ZNF704: variants seen among roughly 807,000 people sequenced by gnomAD.
The protein encoded by ZNF704 is zinc finger protein 704, also known as glucocorticoid induced gene 1.
ZNF704 carries 10 observed loss-of-function variants against 44.7 expected under a neutral mutation model. That is an observed-to-expected ratio of 0.22 (90% CI 0.14 to 0.38). The LOEUF (loss-of-function observed/expected upper bound fraction) is 0.38, where lower values mean the gene tolerates loss of function less well. Ranked by LOEUF, ZNF704 falls within the 10% of genes least tolerant of loss-of-function variation. The pLI is 1.00. For missense variants in ZNF704, 390 were observed against 545.5 expected, an observed-to-expected ratio of 0.71 and a Z score of 2.84; for synonymous variants, 211 against 207.6, an observed-to-expected ratio of 1.02 and a Z score of -0.14.
At chr8:80,651,478 C>T (rs1817918507) in intron 7 of ZNF704, among the ~76,000 whole-genome samples, 1 of 152,080 alleles carries the variant, frequency 6.6e-6, no homozygotes, top group Admixed American at 6.5e-5. Context: ...AAAGATCTAC[C>T]AAGCAAATGG....
chr8:80,667,016 G>T (rs1479968200), intron 5 of ZNF704, among the ~76,000 whole-genome samples: 1 of 152,156 alleles, frequency 6.6e-6, no homozygotes, highest in African/African-American at 2.4e-5. Context: ...GTGGCCAGAG[G>T]AAGCCTCTCT....
chr8:80,819,459 T>G (rs1270328476), intron 2 of ZNF704, among the ~76,000 whole-genome samples: 1 of 151,984 alleles, frequency 6.6e-6, no homozygotes, highest in African/African-American at 2.4e-5. Flanking sequence ...TACAATGGTC[T>G]AATGGAAATT....
rs1003602846 is a variant in ZNF704, at chr8:80,785,928, T to C, written c.221+35446A>G. Among the ~76,000 whole-genome samples the C allele has an allele frequency of 3.9e-5, 6 of 152,310 alleles. No homozygotes were observed. In the East Asian group the frequency reaches 1.2e-3, roughly 29 times the overall value. ...TGCAAGAAAATATATGTGTGCATAC[T>C]AACCCACATATATACACGTATCTAT... On this transcript the variant is annotated intron_variant, in intron 2 of 8. Coordinates refer to ENST00000327835, the MANE Select transcript of ZNF704 (RefSeq NM_001033723.3).
At chr8:80,708,471 T>C (rs1818930869) in intron 2 of ZNF704, among the ~76,000 whole-genome samples, 1 of 152,218 alleles carries the variant, frequency 6.6e-6, no homozygotes, top group Non-Finnish European at 1.5e-5. Context: ...AAGTCCACAG[T>C]CCAGAGAAAG....
At chr8:80,650,298 G>A (rs112961593) in intron 7 of ZNF704, among the ~76,000 whole-genome samples, 7,338 of 152,298 alleles carry the variant, frequency 0.048, 216 homozygotes, top group Middle Eastern at 0.092. Context: ...CACCAGCAAC[G>A]GAACAAAGCT....
intron 7 of ZNF704, among the ~76,000 whole-genome samples, chr8:80,652,410 T>C (rs1366918954): frequency 2.0e-5 from 3 of 151,738 alleles, no homozygotes; most frequent in South Asian, 2.1e-4. Context: ...ACAAAATTGA[T>C]AGACTGCTAG....
rs1818560052 is a variant in ZNF704 at position 80,687,458 on chromosome 8, T to C, written c.326A>G (p.Glu109Gly). 1.9e-6 allele frequency: 3 copies of C among 1,546,672 alleles called. No individual in the cohort carries two copies. Among genetic ancestry groups the C allele is most frequent in the African/African-American group, 1.4e-5 (1 of 73,522 alleles). Residue 109 changes from glutamate to glycine, a missense_variant and splice_region_variant, in exon 4 of 9, where the codon GAG becomes GGG. By Grantham distance (98) the Glu-to-Gly change is moderately conservative (BLOSUM62 -2). Transcript: ENST00000327835. ...LVRSPPVRPN[E>G]SLSGSWKEGG... ...CTCCTTCCAGGATCCGCTGAGGCTC[T>C]CTGCATGCACACAAACACAGTCAGT...
At chr8:80,781,594 G>A (rs902153044) in intron 2 of ZNF704, among the ~76,000 whole-genome samples, 1 of 152,196 alleles carries the variant, frequency 6.6e-6, no homozygotes, top group Non-Finnish European at 1.5e-5. Flanking sequence ...TGCTTTAAAT[G>A]TTAGGGCTGA....
intron 1 of ZNF704, among the ~76,000 whole-genome samples, chr8:80,850,396 C>T (rs933331408): frequency 1.3e-5 from 2 of 151,884 alleles, no homozygotes; most frequent in African/African-American, 4.8e-5. Flanking sequence ...TACTTAATTT[C>T]CCCCCAAAAA....
intron 2 of ZNF704, among the ~76,000 whole-genome samples, chr8:80,723,098 AATG>A (rs1806403548): frequency 6.6e-6 from 1 of 152,246 alleles, no homozygotes; most frequent in African/African-American, 2.4e-5. Flanking sequence ...CAAATAACTG[AATG>A]ATACTAATAA....
At chr8:80,876,467 C>T (rs1029902543), upstream of ZNF704, among the ~76,000 whole-genome samples, 6 of 152,062 alleles carry the variant, frequency 3.9e-5, no homozygotes, top group African/African-American at 1.5e-4. Context: ...TTTCTCTGGC[C>T]ATGAAAAGGA....
chr8:80,864,387 T>C (rs1201071268), intron 1 of ZNF704, among the ~76,000 whole-genome samples: 1 of 152,088 alleles, frequency 6.6e-6, no homozygotes, highest in Non-Finnish European at 1.5e-5. Flanking sequence ...CCAACAAATA[T>C]GTAAATATCA....
chr8:80,787,788 T>C (rs576776044), intron 2 of ZNF704, among the ~76,000 whole-genome samples: 142 of 152,260 alleles, frequency 9.3e-4, no homozygotes, highest in Non-Finnish European at 1.5e-3. Context: ...CCTTATAATT[T>C]AAAATGCCCC....
intron 2 of ZNF704, among the ~76,000 whole-genome samples, chr8:80,733,608 C>G (rs915044614): frequency 6.6e-6 from 1 of 152,174 alleles, no homozygotes; most frequent in Admixed American, 6.6e-5. Flanking sequence ...TAGCTTCACT[C>G]CCAGCTTTGG....
At chr8:80,650,172 T>A (rs899878320) in intron 7 of ZNF704, among the ~76,000 whole-genome samples, 11 of 151,952 alleles carry the variant, frequency 7.2e-5, no homozygotes, top group Non-Finnish European at 1.6e-4. Context: ...TATATCACCA[T>A]CATCAAAGAC....
chr8:80,761,245 C>G (rs1003399473), intron 2 of ZNF704, among the ~76,000 whole-genome samples: 1 of 152,154 alleles, frequency 6.6e-6, no homozygotes, highest in East Asian at 1.9e-4. Context: ...GACTTCTCAG[C>G]CTTCAGAACT....
rs567958302 is a variant in ZNF704 at position 80,674,771 on chromosome 8, T to C, written c.559-4168A>G. On this transcript the variant is annotated intron_variant, in intron 4 of 8. Coordinates refer to ENST00000327835, the MANE Select transcript of ZNF704 (RefSeq NM_001033723.3). The stretch of plus-strand genomic sequence containing the variant: ...GAGGTAAATGAACCATATCAAACTA[T>C]GGCAAACATTAATGAACAAGTCCTC... Among the ~76,000 whole-genome samples the C allele has an allele frequency of 4.1e-4, 63 of 152,270 alleles. 1 individual carries two copies. The South Asian group carries it at 0.013, about 32-fold the overall frequency.
At chr8:80,668,304 T>G (rs1818226940) in intron 5 of ZNF704, among the ~76,000 whole-genome samples, 1 of 152,200 alleles carries the variant, frequency 6.6e-6, no homozygotes, top group South Asian at 2.1e-4. Context: ...CTGCATAGAA[T>G]CTAACATAAA....
intron 1 of ZNF704, among the ~76,000 whole-genome samples, chr8:80,860,049 A>G (rs1001877075): frequency 6.6e-6 from 1 of 152,226 alleles, no homozygotes; most frequent in Non-Finnish European, 1.5e-5. Context: ...ACAAGATTGT[A>G]AGAACGAAAC....
Sources: allele counts gnomAD v4.1 joint callset (sites outside exome capture counted in the v4.1 genomes callset), GRCh38; gene constraint gnomAD v4.1.1; transcripts MANE v1.5; gene names NCBI Gene and HGNC (gene_info 2026-07-23, HGNC 2026-07-21).